The following PDE5A variants were observed in gnomAD, a reference collection of about 807,000 sequenced individuals.
The protein encoded by PDE5A is phosphodiesterase 5A, also known as cGMP-specific 3',5'-cyclic phosphodiesterase.
In PDE5A, 67 loss-of-function variants were observed where a neutral mutation model predicts 110.2. The observed-to-expected ratio is 0.61, with a 90% CI of 0.50 to 0.75. The LOEUF is 0.75. PDE5A is among the 30% of genes least tolerant of loss of function. The pLI is 0.00. For missense variants in PDE5A, 862 were observed against 1,045.1 expected, an observed-to-expected ratio of 0.82 and a Z score of 2.42; for synonymous variants, 328 against 351.2, an observed-to-expected ratio of 0.93 and a Z score of 0.74.
intron 11 of PDE5A, among the ~76,000 whole-genome samples, chr4:119,532,505 A>T (rs1238830611): frequency 1.3e-5 from 2 of 152,074 alleles, no homozygotes; most frequent in African/African-American, 4.8e-5. Flanking sequence ...TTTTATCATT[A>T]TAATGGCCAT....
chr4:119,554,580 A>G (rs1727476728), intron 7 of PDE5A, among the ~76,000 whole-genome samples: 1 of 152,122 alleles, frequency 6.6e-6, no homozygotes, highest in Admixed American at 6.5e-5. Context: ...AATTTATTCT[A>G]TCTATAAGAA....
Position 119,504,590 on chromosome 4 carries a change from C to A in PDE5A, c.2277G>T (p.Leu759=), listed in dbSNP as rs1246059914. ...PHQKELFLAM[L]MTACDLSAIT... ...TTGCAGAAAGATCACAAGCTGTCATCAGCATTGCCCTGTTATGGAAAAAAG... is the reference window on the plus strand; with the variant it reads ...TTGCAGAAAGATCACAAGCTGTCATAAGCATTGCCCTGTTATGGAAAAAAG... Residue 759 remains leucine, a synonymous_variant, in exon 18 of 21, where the codon CTG becomes CTT. Coordinates refer to ENST00000354960, the MANE Select transcript of PDE5A (RefSeq NM_001083.4). 2 of 1,611,962 alleles carry A rather than the reference C, an allele frequency of 1.2e-6. No individual in the cohort carries two copies. Among genetic ancestry groups the A allele is most frequent in the Non-Finnish European group, 1.7e-6 (2 of 1,178,826 alleles).
rs1193097406 is a variant in PDE5A at position 119,511,278 on chromosome 4, A to G, written c.2001-144T>C. 4.6e-5 allele frequency: 27 copies of G among 587,022 alleles called. 1 individual carries two copies. The South Asian group carries it at 4.7e-4, about 10-fold the overall frequency. 36.4% of individuals were successfully genotyped at this position (587,022 alleles called of 1,614,324 possible). ...ACAATTTTCTCTCCTTTTACTGAGA[A>G]AAGTGTGAGATAATCTCTGGGAAAC... On this transcript the variant is annotated intron_variant, in intron 14 of 20. Transcript: ENST00000354960.
intron 20 of PDE5A, 32 bp from the exon 21 acceptor site, chr4:119,498,770 G>A: frequency 6.2e-7 from 1 of 1,612,422 alleles, no homozygotes; most frequent in Non-Finnish European, 8.5e-7. Flanking sequence ...AACAGCTAGA[G>A]AGAAGCCAGG....
intron 3 of PDE5A, among the ~76,000 whole-genome samples, chr4:119,596,299 C>G (rs1048646177): frequency 7.9e-5 from 12 of 151,658 alleles, no homozygotes; most frequent in Admixed American, 7.9e-4. Context: ...ATATGACATG[C>G]ATAAAATTTA....
intron 13 of PDE5A, among the ~76,000 whole-genome samples, chr4:119,520,715 T>C (rs1726096959): frequency 6.6e-6 from 1 of 152,142 alleles, no homozygotes; most frequent in South Asian, 2.1e-4. Flanking sequence ...TTGAAGGTTT[T>C]CTAATATGCC....
At chr4:119,543,609 T>G (rs1727025384) in intron 9 of PDE5A, 1 of 152,192 alleles carries the variant, frequency 6.6e-6, no homozygotes, top group African/African-American at 2.4e-5. Flanking sequence ...GCCACTTAGC[T>G]GGTATGTGTA....
At chr4:119,584,951 T>C (rs893020936) in intron 3 of PDE5A, among the ~76,000 whole-genome samples, 2 of 152,218 alleles carry the variant, frequency 1.3e-5, no homozygotes, top group Non-Finnish European at 2.9e-5. Flanking sequence ...AGAGATCTTA[T>C]GTAGAACTGT....
chr4:119,524,196 A>G (rs1404467347), intron 12 of PDE5A, among the ~76,000 whole-genome samples: 1 of 152,144 alleles, frequency 6.6e-6, no homozygotes, highest in Non-Finnish European at 1.5e-5. Context: ...TACCCCTAAT[A>G]ACAGAAAAGG....
rs199530507 is a variant in PDE5A, at chr4:119,505,872, A to G, written c.2250T>C (p.His750=). The part of the protein sequence containing the change: ...RKNQFNLEDP[H]QKELFLAMLM... Reference sequence around the variant, plus strand: ...CTACTTACAAAAACAACTCCTTTTGATGAGGATCTTCCAAATTGAATTGAT... The same window carrying G: ...CTACTTACAAAAACAACTCCTTTTGGTGAGGATCTTCCAAATTGAATTGAT... Residue 750 remains histidine, a synonymous_variant, in exon 17 of 21, where the codon CAT becomes CAC. Coordinates refer to ENST00000354960, the MANE Select transcript of PDE5A (RefSeq NM_001083.4). 9 of 1,569,330 alleles carry G rather than the reference A, an allele frequency of 5.7e-6. No homozygotes were observed. The highest frequency in any genetic ancestry group is 1.7e-4 in the Middle Eastern group (1 of 5,952).
At chr4:119,571,163 C>CA (rs1728129386) in intron 3 of PDE5A, among the ~76,000 whole-genome samples, 1 of 152,178 alleles carries the variant, frequency 6.6e-6, no homozygotes, top group South Asian at 2.1e-4. Flanking sequence ...ATAACCGATC[C>CA]AGGCTTTCTG....
intron 13 of PDE5A, among the ~76,000 whole-genome samples, chr4:119,520,658 A>G (rs1726094742): frequency 6.6e-6 from 1 of 152,084 alleles, no homozygotes; most frequent in South Asian, 2.1e-4. Flanking sequence ...CCTCAGAAGG[A>G]AATATTTATT....
At chr4:119,574,327 T>C (rs1384198764) in intron 3 of PDE5A, among the ~76,000 whole-genome samples, 5 of 150,978 alleles carry the variant, frequency 3.3e-5, no homozygotes, top group Non-Finnish European at 7.4e-5. Context: ...GGATTACATG[T>C]GCCCGCCACC....
intron 11 of PDE5A, among the ~76,000 whole-genome samples, chr4:119,537,356 C>T (rs777421447): frequency 2.6e-5 from 4 of 152,006 alleles, no homozygotes; most frequent in African/African-American, 7.2e-5. Flanking sequence ...CCTGAAACTG[C>T]GTTCTCAATA....
At chr4:119,540,503 G>GA (rs1457252456) in intron 10 of PDE5A, among the ~76,000 whole-genome samples, 1 of 150,364 alleles carries the variant, frequency 6.7e-6, no homozygotes, top group African/African-American at 2.5e-5. Context: ...TGGTTCCCAA[G>GA]AAAAGCTAAT....
chr4:119,597,436 T>G (rs1238903041), intron 2 of PDE5A, among the ~76,000 whole-genome samples: 2 of 152,102 alleles, frequency 1.3e-5, no homozygotes, highest in African/African-American at 2.4e-5. Context: ...CATTTTTACC[T>G]TACCATATAG....
chr4:119,519,115 G>A lies in PDE5A; in HGVS notation c.1930C>T (p.Leu644Phe). ...IQNKLTDLEI[L>F]ALLIAALSHD... Reference sequence around the variant, plus strand: ...CTTAGTGCAGCAATCAGCAATGCAAGTATCTCCAGGTCAGTCAGCTTGTTC... The same window carrying A: ...CTTAGTGCAGCAATCAGCAATGCAAATATCTCCAGGTCAGTCAGCTTGTTC... The change falls in exon 14 of 21, where the codon CTT becomes TTT. Residue 644 changes from leucine to phenylalanine, a missense_variant. By Grantham distance (22) the Leu-to-Phe change is conservative (BLOSUM62 0). Transcript: ENST00000354960. 1.2e-6 allele frequency: 2 copies of A among 1,613,718 alleles called. No homozygotes were observed. Among genetic ancestry groups the A allele is most frequent in the Admixed American group, 1.7e-5 (1 of 60,014 alleles).
intron 6 of PDE5A, 117 bp from the exon 7 acceptor site, chr4:119,560,480 T>C: frequency 2.0e-6 from 1 of 512,552 alleles, no homozygotes; most frequent in Non-Finnish European, 3.3e-6. Flanking sequence ...AGTATATTTT[T>C]ACTTATTCTT....
intron 7 of PDE5A, 110 bp from the exon 8 acceptor site, chr4:119,553,856 T>C (rs1374756670): frequency 1.6e-6 from 1 of 618,012 alleles, no homozygotes; most frequent in Non-Finnish European, 2.9e-6. Flanking sequence ...TTATAAGGCA[T>C]ATATACTTAT....
Sources: gnomAD v4.1 joint callset for allele counts (sites outside exome capture counted in the v4.1 genomes callset) on GRCh38, gnomAD v4.1.1 for gene constraint, MANE v1.5 for transcripts, NCBI Gene and HGNC (gene_info 2026-07-23, HGNC 2026-07-21) for gene names.